DPP6: variants seen among roughly 807,000 people sequenced by gnomAD.
DPP6 encodes the protein A-type potassium channel modulatory protein DPP6.
A neutral mutation model predicts 122.6 loss-of-function variants in DPP6; 69 were observed. The ratio of observed to expected loss-of-function variants is 0.56; its 90% CI spans 0.46 to 0.69. The LOEUF (loss-of-function observed/expected upper bound fraction) is 0.69. Ranked by LOEUF, DPP6 falls within the 30% of genes least tolerant of loss-of-function variation. The pLI is 0.00. For synonymous variants in DPP6, 418 were observed against 433.1 expected, an observed-to-expected ratio of 0.97 and a Z score of 0.43; for missense variants, 928 against 1,116.9, an observed-to-expected ratio of 0.83 and a Z score of 2.41.
At chr7:153,824,386 CAA>C in the DPP6 span, among the ~76,000 whole-genome samples, 4 of 79,430 alleles carry the variant, frequency 5.0e-5, no homozygotes, top group Non-Finnish European at 4.6e-5. Context: ...GAGTCTGTCT[CAA>C]AAAAAAAAAA....
Position 154,849,332 on chromosome 7 carries a change from T to C in DPP6, c.1667-4448T>C, listed in dbSNP as rs571968040. ...GAACAAGGGATATCTTTCCATTTAT[T>C]TGTGTCGTCTCCAATTTTCTTTCAT... On this transcript the variant is annotated intron_variant, in intron 16 of 25. Transcript: ENST00000377770. Among the ~76,000 whole-genome samples, 27 of 152,350 alleles carry C rather than the reference T, an allele frequency of 1.8e-4. No homozygotes were observed. In the South Asian group the frequency reaches 5.2e-3, roughly 29 times the overall value.
At position 154,285,409 on chromosome 7, in the gene DPP6, C is replaced by T. The variant is rs571525885; in HGVS notation, c.244-160805C>T. ...CCTCCCAAGTAGCTTGGATAACAGG[C>T]ACCCGCCACCACACTTGGCTAATGT... On this transcript the variant is annotated intron_variant, in intron 1 of 25. Coordinates refer to ENST00000377770, the MANE Select transcript of DPP6 (RefSeq NM_130797.4). Among the ~76,000 whole-genome samples the T allele has an allele frequency of 7.4e-3, 1,131 of 152,230 alleles. 22 individuals carry two copies. Among genetic ancestry groups the T allele is most frequent in the African/African-American group, 0.026 (1,070 of 41,528 alleles).
At chr7:154,127,634 G>GACACACACACACACAC (rs1045351086) in intron 1 of DPP6, among the ~76,000 whole-genome samples, 1 of 59,722 alleles carries the variant, frequency 1.7e-5, no homozygotes, top group African/African-American at 4.3e-5. Flanking sequence ...CACACACACA[G>GACACACACACACACAC]ACACACACAC....
chr7:154,130,316 A>G (rs1795203621), intron 1 of DPP6, among the ~76,000 whole-genome samples: 1 of 152,142 alleles, frequency 6.6e-6, no homozygotes, highest in Admixed American at 6.5e-5. Context: ...GGACTTTGAA[A>G]AAAACAGACC....
chr7:153,864,846 G>T, the DPP6 span, among the ~76,000 whole-genome samples: 1 of 152,100 alleles, frequency 6.6e-6, no homozygotes, highest in Non-Finnish European at 1.5e-5. Flanking sequence ...TACTGAGATG[G>T]ATGGCAGTTT....
chr7:153,853,265 T>C, the DPP6 span, among the ~76,000 whole-genome samples: 2 of 152,246 alleles, frequency 1.3e-5, no homozygotes, highest in African/African-American at 4.8e-5. Flanking sequence ...ACGTTTGATA[T>C]CATTGCATCT....
the DPP6 span, among the ~76,000 whole-genome samples, chr7:153,819,639 A>C: frequency 3.8e-3 from 576 of 152,304 alleles, 3 homozygotes; most frequent in African/African-American, 0.013. Context: ...AAGTAAATGT[A>C]GTTTATTAAT....
At chr7:154,804,471 T>C (rs6959615) in intron 14 of DPP6, among the ~76,000 whole-genome samples, 107,579 of 152,156 alleles carry the variant, frequency 0.71, 38,449 homozygotes, top group Middle Eastern at 0.78. Flanking sequence ...TCCCTGCTCC[T>C]GGGGTAAAAG....
chr7:154,344,266 ATAAGG>A (rs1203432091), intron 1 of DPP6, among the ~76,000 whole-genome samples: 1 of 152,164 alleles, frequency 6.6e-6, no homozygotes, highest in African/African-American at 2.4e-5. Context: ...CTCAATAACA[ATAAGG>A]TAAGAAGTAA....
the DPP6 span, among the ~76,000 whole-genome samples, chr7:153,847,099 A>C: frequency 6.6e-6 from 1 of 152,234 alleles, no homozygotes; most frequent in Admixed American, 6.5e-5. Flanking sequence ...AACTGATGTT[A>C]AGAATATCTG....
At chr7:154,221,746 A>G (rs1471735636) in intron 1 of DPP6, among the ~76,000 whole-genome samples, 2 of 152,156 alleles carry the variant, frequency 1.3e-5, no homozygotes, top group South Asian at 4.1e-4. Flanking sequence ...GAAGCTGGCT[A>G]TGTGAAGGCA....
chr7:154,090,373 A>G (rs552299878), intron 1 of DPP6, among the ~76,000 whole-genome samples: 2,201 of 152,248 alleles, frequency 0.014, 61 homozygotes, highest in African/African-American at 0.047. Flanking sequence ...GGTTCTGTGT[A>G]GCTTAGGATC....
At position 154,819,901 on chromosome 7, in the gene DPP6, C is replaced by T. The variant is rs984307134; in HGVS notation, c.1666+12789C>T. 3.3e-5 allele frequency among the ~76,000 whole-genome samples: 5 copies of T among 152,188 alleles called. No homozygotes were observed. In the East Asian group the frequency reaches 9.6e-4, roughly 29 times the overall value. On this transcript the variant is annotated intron_variant, in intron 16 of 25. Transcript: ENST00000377770. ...TTTTTTAGAATTCTGAATTGTGGAG[C>T]ACCTGTCAGAGTAGATGCTGCCGCC...
chr7:153,847,817 G>A, the DPP6 span, among the ~76,000 whole-genome samples: 2 of 152,186 alleles, frequency 1.3e-5, no homozygotes, highest in African/African-American at 4.8e-5. Context: ...TGCGTCTGCA[G>A]TTCAGTTTAA....
intron 5 of DPP6, among the ~76,000 whole-genome samples, chr7:154,577,482 G>A (rs1212532651): frequency 1.3e-5 from 2 of 152,148 alleles, no homozygotes; most frequent in Non-Finnish European, 2.9e-5. Flanking sequence ...CTCCAAAGCC[G>A]TGTGGGGTGT....
intron 6 of DPP6, among the ~76,000 whole-genome samples, chr7:154,652,666 G>A (rs989270666): frequency 2.0e-5 from 3 of 152,062 alleles, no homozygotes; most frequent in African/African-American, 7.2e-5. Flanking sequence ...CGTCCCTGCT[G>A]TTCGTTCTGA....
At chr7:154,122,476 A>G (rs1479197343) in intron 1 of DPP6, among the ~76,000 whole-genome samples, 1 of 152,250 alleles carries the variant, frequency 6.6e-6, no homozygotes, top group African/African-American at 2.4e-5. Context: ...AACCGAAGTT[A>G]CTAGAAAGAG....
intron 1 of DPP6, among the ~76,000 whole-genome samples, chr7:154,007,280 A>G (rs1797950742): frequency 6.6e-6 from 1 of 152,266 alleles, no homozygotes; most frequent in African/African-American, 2.4e-5. Context: ...GTCTGTGAGT[A>G]TAGACATTGT....
rs180729215 is a variant in DPP6, at chr7:154,840,831, G to A, written c.1667-12949G>A. 1.3e-3 allele frequency among the ~76,000 whole-genome samples: 192 copies of A among 152,248 alleles called. 2 individuals are homozygous for A. Among genetic ancestry groups the A allele is most frequent in the South Asian group, 6.0e-3 (29 of 4,824 alleles). ...ATTTAGAGGCTATTCTAGAGAATGC[G>A]CCGCCAACTCTGAACTGACTCTGCC... On this transcript the variant is annotated intron_variant, in intron 16 of 25. Coordinates refer to ENST00000377770, the MANE Select transcript of DPP6 (RefSeq NM_130797.4).
Sources: allele counts gnomAD v4.1 joint callset (sites outside exome capture counted in the v4.1 genomes callset), GRCh38; gene constraint gnomAD v4.1.1; transcripts MANE v1.5; gene names NCBI Gene and HGNC (gene_info 2026-07-23, HGNC 2026-07-21).